Variants in TMEM135 observed in about 807,000 individuals in gnomAD.
TMEM135 encodes peroxisomal membrane protein 52.
In TMEM135, 30 loss-of-function variants were observed where a neutral mutation model predicts 60.3. The ratio of observed to expected loss-of-function variants is 0.50; its 90% confidence interval spans 0.37 to 0.68. The LOEUF (loss-of-function observed/expected upper bound fraction) is 0.68. Ranked by LOEUF, TMEM135 falls within the 30% of genes least tolerant of loss-of-function variation. TMEM135 has a pLI of 0.00. For synonymous variants in TMEM135, 190 were observed against 186.7 expected (o/e 1.02, Z -0.14); for missense variants, 468 against 548.8 (o/e 0.85, Z 1.47).
chr11:87,232,132 G>T (rs1940902000), intron 5 of TMEM135, among the ~76,000 whole-genome samples: 1 of 152,020 alleles, frequency 6.6e-6, no homozygotes, highest in Admixed American at 6.6e-5. Flanking sequence ...TGTATTTTTA[G>T]TGGAGACAGG....
At chr11:87,170,097 G>A (rs954366879) in intron 5 of TMEM135, among the ~76,000 whole-genome samples, 1 of 151,460 alleles carries the variant, frequency 6.6e-6, no homozygotes, top group Non-Finnish European at 1.5e-5. Context: ...ATGTGTTTAT[G>A]CTTCACAAAG....
intron 4 of TMEM135, among the ~76,000 whole-genome samples, chr11:87,102,164 G>T (rs1857472833): frequency 6.6e-6 from 1 of 152,048 alleles, no homozygotes; most frequent in East Asian, 1.9e-4. Flanking sequence ...CTGGTTGAGG[G>T]CTCAGTTTCA....
At chr11:87,309,095 G>T (rs946328599) in intron 9 of TMEM135, among the ~76,000 whole-genome samples, 1 of 152,118 alleles carries the variant, frequency 6.6e-6, no homozygotes, top group Non-Finnish European at 1.5e-5. Flanking sequence ...ATTAAGAGCA[G>T]TTTTCTGTTA....
chr11:87,060,081 C>G (rs187871469), intron 1 of TMEM135, among the ~76,000 whole-genome samples: 2 of 152,034 alleles, frequency 1.3e-5, no homozygotes, highest in East Asian at 3.9e-4. Flanking sequence ...CCACTGCACT[C>G]CAGCCTTGGC....
At chr11:87,055,414 G>T (rs1949884466) in intron 1 of TMEM135, among the ~76,000 whole-genome samples, 1 of 152,166 alleles carries the variant, frequency 6.6e-6, no homozygotes, top group African/African-American at 2.4e-5. Context: ...TCGATTAACA[G>T]ATGCTCTGAA....
At chr11:87,318,398 C>G (rs1388346888) in intron 13 of TMEM135, among the ~76,000 whole-genome samples, 163 bp downstream of exon 13, 7 of 151,028 alleles carry the variant, frequency 4.6e-5, no homozygotes, top group Admixed American at 2.6e-4. Flanking sequence ...GATAGCTTAC[C>G]AGCTTCTAAT....
At chr11:87,175,201 G>T (rs1266192013) in intron 5 of TMEM135, among the ~76,000 whole-genome samples, 5 of 152,032 alleles carry the variant, frequency 3.3e-5, no homozygotes, top group Admixed American at 3.3e-4. Context: ...ATTATATTTT[G>T]GCAGGTTCTT....
At chr11:87,057,935 C>T (rs1171262014) in intron 1 of TMEM135, among the ~76,000 whole-genome samples, 2 of 152,060 alleles carry the variant, frequency 1.3e-5, no homozygotes, top group Non-Finnish European at 2.9e-5. Context: ...AGTGTGAGTC[C>T]AAAGGCCTGA....
intron 5 of TMEM135, among the ~76,000 whole-genome samples, chr11:87,169,500 GTGA>G (rs1419891502): frequency 6.6e-6 from 1 of 151,694 alleles, no homozygotes; most frequent in Middle Eastern, 3.2e-3. Context: ...AGGCCTGGTG[GTGA>G]CAAAATCTCT....
At chr11:87,107,279 T>G in intron 4 of TMEM135, among the ~76,000 whole-genome samples, 1 of 152,174 alleles carries the variant, frequency 6.6e-6, no homozygotes, top group South Asian at 2.1e-4. Context: ...GTTTTTTTTA[T>G]TATACTTTAA....
rs369438248 is a variant in TMEM135, at chr11:87,309,584, C to T, written c.848C>T (p.Thr283Ile). The T allele has an allele frequency of 1.2e-6, 2 of 1,613,772 alleles. No individual in the cohort carries two copies. Among genetic ancestry groups the T allele is most frequent in the African/African-American group, 2.7e-5 (2 of 74,916 alleles). ...CCTTCTGCATTTAGGCATCTGTTTA[C>T]ACAGCCATCTCGGCTACTTTCTCTC... ...RIPSAFRHLF[T>I]QPSRLLSLFY... The change falls in exon 10 of 15, where the codon ACA becomes ATA. Residue 283 changes from threonine (T) to isoleucine (I), a missense_variant. Coordinates refer to ENST00000305494, the MANE Select transcript of TMEM135 (RefSeq NM_022918.4).
At chr11:87,206,607 C>A (rs1375400231) in intron 5 of TMEM135, among the ~76,000 whole-genome samples, 6 of 152,104 alleles carry the variant, frequency 3.9e-5, no homozygotes, top group Non-Finnish European at 2.9e-5. Flanking sequence ...TCAGAAACAT[C>A]TGTAAACAAC....
rs1942786352 is a variant in TMEM135, at chr11:87,319,446, A to T, written c.1244+69A>T. On this transcript the variant is annotated intron_variant, in intron 14 of 14. Coordinates refer to ENST00000305494, the MANE Select transcript of TMEM135 (RefSeq NM_022918.4). Reference sequence around the variant, plus strand: ...TATCTTTTTGAGGGAATATTCTTTCAGTGGTAAAGTAGGTATTTATATATA... The same window carrying T: ...TATCTTTTTGAGGGAATATTCTTTCTGTGGTAAAGTAGGTATTTATATATA... 5 of 1,115,578 alleles carry T rather than the reference A, an allele frequency of 4.5e-6. No homozygotes were observed. In the South Asian group the frequency reaches 6.5e-5, roughly 14 times the overall value. 69.1% of individuals were successfully genotyped at this position (1,115,578 alleles called of 1,614,324 possible).
intron 1 of TMEM135, among the ~76,000 whole-genome samples, chr11:87,055,383 AG>A (rs1949883944): frequency 6.6e-6 from 1 of 152,212 alleles, no homozygotes; most frequent in Non-Finnish European, 1.5e-5. Flanking sequence ...CAGTAAGAAA[AG>A]TTAACTGCCT....
intron 6 of TMEM135, among the ~76,000 whole-genome samples, chr11:87,260,322 C>T (rs997984112): frequency 1.3e-5 from 2 of 152,148 alleles, no homozygotes; most frequent in South Asian, 4.1e-4. Flanking sequence ...GATGAACCTT[C>T]CTTGCAGGGT....
chr11:87,181,767 T>A (rs554723766), intron 5 of TMEM135, among the ~76,000 whole-genome samples: 1 of 152,148 alleles, frequency 6.6e-6, no homozygotes, highest in East Asian at 1.9e-4. Flanking sequence ...ATTCTTAAGA[T>A]AAAAAAAGTA....
chr11:87,120,766 A>C (rs1342973077), intron 4 of TMEM135, among the ~76,000 whole-genome samples: 1 of 152,000 alleles, frequency 6.6e-6, no homozygotes, highest in Non-Finnish European at 1.5e-5. Context: ...TTAATTTCTA[A>C]ATTTTGTTTG....
At chr11:87,176,841 G>A (rs1056680207) in intron 5 of TMEM135, among the ~76,000 whole-genome samples, 1 of 152,058 alleles carries the variant, frequency 6.6e-6, no homozygotes, top group East Asian at 1.9e-4. Context: ...TTTCAGGAAG[G>A]TGGTTTCAAG....
intron 4 of TMEM135, among the ~76,000 whole-genome samples, chr11:87,138,088 C>CTTTTTTTTTTT (rs10671410): frequency 7.3e-6 from 1 of 137,928 alleles, no homozygotes; most frequent in Non-Finnish European, 1.5e-5. Context: ...AAGTTGATTT[C>CTTTTTTTTTTT]TTTTTTTTTT....
Sources: allele counts gnomAD v4.1 joint callset (sites outside exome capture counted in the v4.1 genomes callset), GRCh38; gene constraint gnomAD v4.1.1; transcripts MANE v1.5; gene names NCBI Gene and HGNC (gene_info 2026-07-23, HGNC 2026-07-21).